Variants in MAP2K5 observed in about 807,000 individuals in gnomAD.
The protein encoded by MAP2K5 is mitogen-activated protein kinase kinase 5, also known as dual specificity mitogen-activated protein kinase kinase 5.
A neutral mutation model predicts 83.1 loss-of-function variants in MAP2K5; 49 were observed. That is an observed-to-expected ratio of 0.59 (90% CI 0.47 to 0.75). The LOEUF (loss-of-function observed/expected upper bound fraction) is 0.75. Among genes scored for constraint, MAP2K5 ranks in the 30% least tolerant of loss-of-function variants. The pLI is 0.00. For missense variants in MAP2K5, 457 were observed against 557.5 expected (o/e 0.82, Z 1.82); for synonymous variants, 202 against 191.8 (o/e 1.05, Z -0.44).
chr15:67,544,714 G>T (rs1031276216), intron 1 of MAP2K5, among the ~76,000 whole-genome samples: 7 of 152,218 alleles, frequency 4.6e-5, no homozygotes, highest in African/African-American at 7.2e-5. Context: ...TTAAGAGTGG[G>T]CAAGGTGGCA....
chr15:67,757,057 C>T lies in MAP2K5; in HGVS notation c.1134+8456C>T, dbSNP rs569641719. 5.3e-5 allele frequency among the ~76,000 whole-genome samples: 8 copies of T among 152,018 alleles called. No individual in the cohort carries two copies. Among genetic ancestry groups the T allele is most frequent in the South Asian group, 2.1e-4 (1 of 4,798 alleles). ...TGATTTATTTCCTTTAGATATACAC[C>T]GAGAAGTTGGATTACTGAATCATAG... On this transcript the variant is annotated intron_variant, in intron 19 of 21. Coordinates refer to ENST00000178640, the MANE Select transcript of MAP2K5 (RefSeq NM_145160.3). This position sits in a 1 kb window ranked among gnomAD's most constrained non-coding sequence, Gnocchi z 4.9.
rs1012573479 is a variant in MAP2K5, at chr15:67,783,704, G to T, written c.1242+10952G>T. On this transcript the variant is annotated intron_variant, in intron 21 of 21. Coordinates refer to ENST00000178640, the MANE Select transcript of MAP2K5 (RefSeq NM_145160.3). The surrounding 1 kb of genome is among the most constrained non-coding windows in gnomAD (Gnocchi z 5.1). Reference sequence around the variant, plus strand: ...GCCCAGTCTCCAGCCTGAGTAGAATGCTCAAATATATGGTCATTGAATTTA... The same window carrying T: ...GCCCAGTCTCCAGCCTGAGTAGAATTCTCAAATATATGGTCATTGAATTTA... 2.6e-5 allele frequency among the ~76,000 whole-genome samples: 4 copies of T among 152,130 alleles called. No homozygotes were observed. Among genetic ancestry groups the T allele is most frequent in the Non-Finnish European group, 4.4e-5 (3 of 68,032 alleles).
chr15:67,796,188 T>C (rs763972757), intron 21 of MAP2K5, among the ~76,000 whole-genome samples: 1 of 152,258 alleles, frequency 6.6e-6, no homozygotes, highest in Non-Finnish European at 1.5e-5. Context: ...TTGAGTTTTT[T>C]GTACAGTCCT....
At chr15:67,614,149 A>G (rs537723675) in intron 8 of MAP2K5, among the ~76,000 whole-genome samples, 49 of 152,048 alleles carry the variant, frequency 3.2e-4, no homozygotes, top group African/African-American at 1.1e-3. Context: ...TCTACTTCCC[A>G]CTCCAGTACT....
At position 67,748,683 on chromosome 15, in the gene MAP2K5, C is replaced by T. The variant is rs990734303; in HGVS notation, c.1134+82C>T. The T allele has an allele frequency of 7.6e-7, 1 of 1,320,996 alleles. No individual in the cohort carries two copies. Among genetic ancestry groups the T allele is most frequent in the Non-Finnish European group, 1.1e-6 (1 of 920,838 alleles). The allele number at this position is 1,320,996 out of a possible 1,614,324, so 81.8% of individuals were successfully genotyped here. ...GCTTATATTTTGTTTCCTAATGAAGCACAATGCCCAACATCCTTGGAGCAA... is the reference window on the plus strand; with the variant it reads ...GCTTATATTTTGTTTCCTAATGAAGTACAATGCCCAACATCCTTGGAGCAA... On this transcript the variant is annotated intron_variant, in intron 19 of 21. Transcript: ENST00000178640. This position sits in a 1 kb window ranked among gnomAD's most constrained non-coding sequence, Gnocchi z 4.0.
intron 2 of MAP2K5, among the ~76,000 whole-genome samples, chr15:67,553,271 A>C (rs1163650710): frequency 6.6e-6 from 1 of 152,180 alleles, no homozygotes; most frequent in Non-Finnish European, 1.5e-5. Context: ...TTTGACTATA[A>C]AACTTGCACT....
At chr15:67,645,215 T>G (rs1393719820) in intron 9 of MAP2K5, among the ~76,000 whole-genome samples, 1 of 151,414 alleles carries the variant, frequency 6.6e-6, no homozygotes, top group Non-Finnish European at 1.5e-5. Context: ...TGATGGCTCA[T>G]GCCTGTAATC....
At chr15:67,803,269 C>T (rs969650755) in intron 21 of MAP2K5, among the ~76,000 whole-genome samples, 3 of 152,232 alleles carry the variant, frequency 2.0e-5, no homozygotes, top group Non-Finnish European at 2.9e-5. Context: ...TGGTATTATT[C>T]AGTGTGCTAT....
At position 67,801,854 on chromosome 15, in the gene MAP2K5, C is replaced by T. The variant is rs1299271478; in HGVS notation, c.1243-4792C>T. ...CACACCAGCAAGTTATTAAATTATT[C>T]AAATGCATTATATTCTCTAGAAAGT... On this transcript the variant is annotated intron_variant, in intron 21 of 21. Transcript: ENST00000178640. This position sits in a 1 kb window ranked among gnomAD's most constrained non-coding sequence, Gnocchi z 4.8. Among the ~76,000 whole-genome samples the T allele has an allele frequency of 3.9e-5, 6 of 152,200 alleles. No individual in the cohort carries two copies. Among genetic ancestry groups the T allele is most frequent in the Admixed American group, 3.9e-4 (6 of 15,284 alleles).
intron 13 of MAP2K5, among the ~76,000 whole-genome samples, chr15:67,684,272 TA>T (rs141815568): frequency 0.017 from 2,559 of 152,340 alleles, 33 homozygotes; most frequent in Admixed American, 0.026. Context: ...GGGAATATTT[TA>T]AATTCCAATA....
chr15:67,617,942 C>A (rs2086091177), intron 8 of MAP2K5, among the ~76,000 whole-genome samples: 1 of 152,198 alleles, frequency 6.6e-6, no homozygotes, highest in Non-Finnish European at 1.5e-5. Flanking sequence ...AATCCTCCCA[C>A]CTCAGCCTCC....
chr15:67,597,932 G>A (rs1368368104), intron 7 of MAP2K5, among the ~76,000 whole-genome samples: 1 of 152,096 alleles, frequency 6.6e-6, no homozygotes, highest in African/African-American at 2.4e-5. Context: ...GGCCGGGCGT[G>A]GTCGCTCATG....
intron 8 of MAP2K5, among the ~76,000 whole-genome samples, chr15:67,630,216 A>G (rs1259666344): frequency 6.6e-6 from 1 of 152,238 alleles, no homozygotes; most frequent in Non-Finnish European, 1.5e-5. Flanking sequence ...CCTAGGTGTC[A>G]GAGAGAGCCC....
rs578065123 is a variant in MAP2K5, at chr15:67,631,719, C to T, written c.585+792C>T. 5.8e-4 allele frequency among the ~76,000 whole-genome samples: 89 copies of T among 152,318 alleles called. No homozygotes were observed. In the South Asian group the frequency reaches 0.018, roughly 32 times the overall value. On this transcript the variant is annotated intron_variant, in intron 9 of 21. Coordinates refer to ENST00000178640, the MANE Select transcript of MAP2K5 (RefSeq NM_145160.3). ...CCAAACTCCAGCATCCCAGTCCTGC[C>T]ATGCCACTTTGGATTTAATCTCTGC...
intron 8 of MAP2K5, chr15:67,628,785 G>A (rs1053180764): frequency 4.9e-5 from 37 of 754,374 alleles, no homozygotes; most frequent in Middle Eastern, 7.3e-4. Flanking sequence ...GGTGGTGGTT[G>A]TGGAGGTGTT....
At chr15:67,795,131 A>G (rs922707581) in intron 21 of MAP2K5, among the ~76,000 whole-genome samples, 19 of 151,760 alleles carry the variant, frequency 1.3e-4, no homozygotes, top group Non-Finnish European at 2.4e-4. Flanking sequence ...GTAGGCCCTT[A>G]TTTTTCAATT....
At chr15:67,672,505 GTTGT>G (rs1458358327) in intron 13 of MAP2K5, among the ~76,000 whole-genome samples, 2 of 149,942 alleles carry the variant, frequency 1.3e-5, no homozygotes, top group East Asian at 3.9e-4. Flanking sequence ...TTTTGATGGG[GTTGT>G]TTGTTTTTTT....
At position 67,748,145 on chromosome 15, in the gene MAP2K5, T is replaced by G; in HGVS notation, c.1075-86T>G. 2.2e-6 allele frequency: 2 copies of G among 913,176 alleles called. No homozygotes were observed. Among genetic ancestry groups the G allele is most frequent in the Non-Finnish European group, 3.6e-6 (2 of 562,926 alleles). 56.6% of individuals were successfully genotyped at this position (913,176 alleles called of 1,614,324 possible). On this transcript the variant is annotated intron_variant, in intron 17 of 21. Coordinates refer to ENST00000178640, the MANE Select transcript of MAP2K5 (RefSeq NM_145160.3). This position sits in a 1 kb window ranked among gnomAD's most constrained non-coding sequence, Gnocchi z 4.0. The stretch of plus-strand genomic sequence containing the variant: ...CATGCCCACAAATTGCCACCAGCAA[T>G]GCAATAATTTTCTCTCAGTGATCAT...
At chr15:67,669,852 AC>A (rs2087483592) in intron 13 of MAP2K5, among the ~76,000 whole-genome samples, 1 of 152,206 alleles carries the variant, frequency 6.6e-6, no homozygotes, top group African/African-American at 2.4e-5. Flanking sequence ...GAATTCTCAT[AC>A]ATTGCTGGTA....
Sources: allele counts gnomAD v4.1 joint callset (sites outside exome capture counted in the v4.1 genomes callset), GRCh38; gene constraint gnomAD v4.1.1; non-coding constraint Gnocchi (gnomAD v3.1); transcripts MANE v1.5; gene names NCBI Gene and HGNC (gene_info 2026-07-23, HGNC 2026-07-21).